SLC24A3: variants seen among roughly 807,000 people sequenced by gnomAD.
SLC24A3 encodes sodium/potassium/calcium exchanger 3.
SLC24A3 carries 28 observed loss-of-function variants against 75.8 expected under a neutral mutation model. The observed-to-expected ratio is 0.37, with a 90% CI of 0.27 to 0.51. The LOEUF is 0.51. Ranked by LOEUF, SLC24A3 falls within the 20% of genes least tolerant of loss-of-function variation. The pLI, the probability that SLC24A3 is intolerant of heterozygous loss-of-function variation, is 0.94. For missense variants in SLC24A3, 663 were observed against 847.8 expected, an observed-to-expected ratio of 0.78 and a Z score of 2.71; for synonymous variants, 372 against 334.1, an observed-to-expected ratio of 1.11 and a Z score of -1.24.
At chr20:19,434,988 A>G (rs987023264) in intron 2 of SLC24A3, among the ~76,000 whole-genome samples, 3 of 152,232 alleles carry the variant, frequency 2.0e-5, no homozygotes, top group Non-Finnish European at 2.9e-5. Flanking sequence ...AAAAAAGGCT[A>G]TCTTTCCTTA....
intron 2 of SLC24A3, among the ~76,000 whole-genome samples, chr20:19,407,381 A>G (rs1046732089): frequency 7.9e-5 from 12 of 152,142 alleles, no homozygotes; most frequent in African/African-American, 2.9e-4. Flanking sequence ...TCCTCCTGTG[A>G]GTTGAGAACG....
In SLC24A3 at chr20:19,382,586, C is replaced by G. The variant is rs542502049; in HGVS notation, c.271+101499C>G. Reference sequence around the variant, plus strand: ...GGAGCTGCTCAAGCCCTGGGTGTAACGAGCATCTGTCTCTCTGCTTGGCTC... The same window carrying G: ...GGAGCTGCTCAAGCCCTGGGTGTAAGGAGCATCTGTCTCTCTGCTTGGCTC... On this transcript the variant is annotated intron_variant, in intron 2 of 16. Coordinates refer to ENST00000328041, the MANE Select transcript of SLC24A3 (RefSeq NM_020689.4). Among the ~76,000 whole-genome samples, 3 of 152,114 alleles carry G rather than the reference C, an allele frequency of 2.0e-5. No homozygotes were observed. In the South Asian group the frequency reaches 6.2e-4, roughly 32 times the overall value.
intron 3 of SLC24A3, among the ~76,000 whole-genome samples, chr20:19,574,766 G>A (rs936604411): frequency 6.6e-6 from 1 of 152,218 alleles, no homozygotes; most frequent in Non-Finnish European, 1.5e-5. Context: ...GGAGCATGCT[G>A]TGACGAGGCC....
chr20:19,416,918 T>C (rs1986837075), intron 2 of SLC24A3, among the ~76,000 whole-genome samples: 1 of 152,338 alleles, frequency 6.6e-6, no homozygotes, highest in Non-Finnish European at 1.5e-5. Flanking sequence ...CAGAAGGTAC[T>C]GTGGGAGCAC....
At chr20:19,652,465 G>A (rs2032217190) in intron 6 of SLC24A3, among the ~76,000 whole-genome samples, 1 of 152,114 alleles carries the variant, frequency 6.6e-6, no homozygotes, top group Non-Finnish European at 1.5e-5. Context: ...CAGATTCTAA[G>A]AGTTTACAGT....
At chr20:19,363,058 A>C (rs1039651486) in intron 2 of SLC24A3, among the ~76,000 whole-genome samples, 6 of 152,208 alleles carry the variant, frequency 3.9e-5, no homozygotes, top group African/African-American at 1.4e-4. Flanking sequence ...AGGAACTGAC[A>C]GGTGTTTTCC....
intron 2 of SLC24A3, among the ~76,000 whole-genome samples, chr20:19,459,010 G>T (rs1336996103): frequency 6.6e-6 from 1 of 152,042 alleles, no homozygotes; most frequent in Non-Finnish European, 1.5e-5. Context: ...AGTCAGATTT[G>T]CTTAGAACTC....
intron 6 of SLC24A3, among the ~76,000 whole-genome samples, chr20:19,635,437 G>T (rs1174872739): frequency 2.0e-5 from 3 of 152,102 alleles, no homozygotes; most frequent in Non-Finnish European, 4.4e-5. Context: ...GAGTAATCAG[G>T]GTAATTAATT....
At chr20:19,426,347 A>G (rs1206254958) in intron 2 of SLC24A3, among the ~76,000 whole-genome samples, 1 of 152,216 alleles carries the variant, frequency 6.6e-6, no homozygotes, top group Non-Finnish European at 1.5e-5. Context: ...CTTTCTTAGA[A>G]CATGTCCCAC....
intron 2 of SLC24A3, among the ~76,000 whole-genome samples, chr20:19,286,277 G>A (rs765579815): frequency 2.6e-5 from 4 of 152,122 alleles, no homozygotes; most frequent in South Asian, 2.1e-4. Context: ...TGCAGTTGAC[G>A]AGGGAAACCG....
At chr20:19,564,448 A>T (rs6046183) in intron 3 of SLC24A3, among the ~76,000 whole-genome samples, 117,831 of 152,090 alleles carry the variant, frequency 0.77, 46,255 homozygotes, top group South Asian at 0.89. Flanking sequence ...ACCGTGATCA[A>T]CTTCATCATC....
At chr20:19,631,463 A>G (rs1412438550) in intron 6 of SLC24A3, among the ~76,000 whole-genome samples, 1 of 152,226 alleles carries the variant, frequency 6.6e-6, no homozygotes, top group Non-Finnish European at 1.5e-5. Flanking sequence ...TTTTAAGTAT[A>G]GGTGCTCCTT....
chr20:19,463,349 G>A (rs1568625134), intron 2 of SLC24A3, among the ~76,000 whole-genome samples: 1 of 152,162 alleles, frequency 6.6e-6, no homozygotes, highest in Non-Finnish European at 1.5e-5. Flanking sequence ...GGGCGCAGGT[G>A]CCCACCAGTC....
At chr20:19,684,521 C>T (rs933908166) in intron 11 of SLC24A3, among the ~76,000 whole-genome samples, 185 bp downstream of exon 11, 2 of 152,202 alleles carry the variant, frequency 1.3e-5, no homozygotes, top group Admixed American at 1.3e-4. Context: ...CTTCCCTCCA[C>T]GTGTTGAGAC....
chr20:19,420,787 C>T (rs1986905528), intron 2 of SLC24A3, among the ~76,000 whole-genome samples: 1 of 68,664 alleles, frequency 1.5e-5, no homozygotes, highest in Non-Finnish European at 2.7e-5. Context: ...TACCTGACTT[C>T]AAACTATACT....
chr20:19,348,353 G>A (rs1985479489), intron 2 of SLC24A3, among the ~76,000 whole-genome samples: 1 of 152,206 alleles, frequency 6.6e-6, no homozygotes, highest in African/African-American at 2.4e-5. Flanking sequence ...TCTCCCACAT[G>A]TGGCAAACAC....
chr20:19,439,786 A>C (rs1330155152), intron 2 of SLC24A3, among the ~76,000 whole-genome samples: 1 of 152,218 alleles, frequency 6.6e-6, no homozygotes, highest in Non-Finnish European at 1.5e-5. Flanking sequence ...TGCCTCGCTG[A>C]TCCGAGTGAT....
At chr20:19,631,847 T>C (rs2122687076) in intron 6 of SLC24A3, among the ~76,000 whole-genome samples, 1 of 149,684 alleles carries the variant, frequency 6.7e-6, no homozygotes, top group African/African-American at 2.5e-5. Flanking sequence ...TTTTTAAAAG[T>C]TTTTCTAAAA....
At chr20:19,386,766 C>CT (rs1418989791) in intron 2 of SLC24A3, among the ~76,000 whole-genome samples, 81 of 152,266 alleles carry the variant, frequency 5.3e-4, no homozygotes, top group African/African-American at 1.4e-3. Flanking sequence ...ATAAATCCCA[C>CT]TTGGTCATAT....
Sources: gnomAD v4.1 joint callset for allele counts (sites outside exome capture counted in the v4.1 genomes callset) on GRCh38, gnomAD v4.1.1 for gene constraint, MANE v1.5 for transcripts, NCBI Gene and HGNC (gene_info 2026-07-23, HGNC 2026-07-21) for gene names.